Variants in ZSCAN25 observed in about 807,000 individuals in gnomAD.
ZSCAN25 encodes the protein zinc finger and SCAN domain containing 25, also known as zinc finger and SCAN domain-containing protein 25.
In ZSCAN25, 27 loss-of-function variants were observed where a neutral mutation model predicts 38.7. The ratio of observed to expected loss-of-function variants is 0.70; its 90% CI spans 0.51 to 0.96. The LOEUF is 0.96. Ranked by LOEUF, ZSCAN25 falls within the 40% of genes least tolerant of loss-of-function variation. The pLI is 0.00. For missense variants in ZSCAN25, 637 were observed against 705.9 expected (o/e 0.90, Z 1.11); for synonymous variants, 273 against 277.7 (o/e 0.98, Z 0.17).
chr7:99,729,962 G>GA, the ZSCAN25 span, among the ~76,000 whole-genome samples: 1 of 152,152 alleles, frequency 6.6e-6, no homozygotes. Context: ...TTTGCAGAGG[G>GA]AAAAAATATG....
At chr7:99,706,408 G>C in the ZSCAN25 span, among the ~76,000 whole-genome samples, 3 of 152,142 alleles carry the variant, frequency 2.0e-5, no homozygotes, top group African/African-American at 7.2e-5. Flanking sequence ...CACACATACA[G>C]GATAGCTACA....
At chr7:99,727,948 G>T in the ZSCAN25 span, among the ~76,000 whole-genome samples, 1 of 152,150 alleles carries the variant, frequency 6.6e-6, no homozygotes, top group African/African-American at 2.4e-5. Context: ...TCCAAAAAAA[G>T]CTGGAGTCAT....
the ZSCAN25 span, among the ~76,000 whole-genome samples, chr7:99,692,343 C>T: frequency 1.3e-5 from 2 of 152,152 alleles, no homozygotes; most frequent in Non-Finnish European, 2.9e-5. Context: ...TCCTTCATTT[C>T]AACCTTGGTG....
the ZSCAN25 span, among the ~76,000 whole-genome samples, chr7:99,730,390 C>T: frequency 6.6e-6 from 1 of 152,218 alleles, no homozygotes; most frequent in South Asian, 2.1e-4. Context: ...CCTGCTCAGA[C>T]TCACCCACAA....
At chr7:99,702,160 G>A in the ZSCAN25 span, among the ~76,000 whole-genome samples, 1 of 150,544 alleles carries the variant, frequency 6.6e-6, no homozygotes, top group Non-Finnish European at 1.5e-5. Context: ...TATGATCTTG[G>A]CTCACTGCCA....
chr7:99,736,161 T>G, the ZSCAN25 span, among the ~76,000 whole-genome samples: 1 of 152,212 alleles, frequency 6.6e-6, no homozygotes, highest in Non-Finnish European at 1.5e-5. Flanking sequence ...ACAGGTTCTT[T>G]GCCAAAGAGT....
At chr7:99,666,483 C>T in the ZSCAN25 span, 15 of 1,126,906 alleles carry the variant, frequency 1.3e-5, no homozygotes, top group Middle Eastern at 2.6e-4. Flanking sequence ...GGAGTTGCAG[C>T]GCTGCCCTGC....
chr7:99,733,433 G>A, the ZSCAN25 span, among the ~76,000 whole-genome samples: 2 of 152,180 alleles, frequency 1.3e-5, no homozygotes, highest in Non-Finnish European at 2.9e-5. Context: ...ACAATGAAGA[G>A]GCTAACAGAA....
the ZSCAN25 span, among the ~76,000 whole-genome samples, chr7:99,650,694 T>C: frequency 5.9e-5 from 9 of 152,154 alleles, no homozygotes; most frequent in African/African-American, 1.9e-4. Flanking sequence ...GTCATCTCTT[T>C]TTTTCTAATT....
the ZSCAN25 span, among the ~76,000 whole-genome samples, chr7:99,718,983 T>C: frequency 4.6e-5 from 7 of 152,158 alleles, no homozygotes; most frequent in Admixed American, 4.6e-4. Context: ...AACTACAAAT[T>C]GCTAAAAGCA....
chr7:99,704,886 T>C, the ZSCAN25 span, among the ~76,000 whole-genome samples: 31 of 152,192 alleles, frequency 2.0e-4, no homozygotes, highest in African/African-American at 7.2e-4. Flanking sequence ...GGCGTGAACC[T>C]GGGAGGCAGA....
chr7:99,728,525 C>G, the ZSCAN25 span, among the ~76,000 whole-genome samples: 1 of 152,154 alleles, frequency 6.6e-6, no homozygotes, highest in African/African-American at 2.4e-5. Context: ...TTGGCACTCC[C>G]TCTCATCTTT....
At chr7:99,618,348 T>C (rs1806648371) in intron 1 of ZSCAN25, 177 bp from the exon 2 acceptor site, 1 of 151,680 alleles carries the variant, frequency 6.6e-6, no homozygotes, top group Non-Finnish European at 1.5e-5. Flanking sequence ...AGTTATCATC[T>C]AGTCTCTTTT....
chr7:99,636,182 A>G (rs1480749718), downstream of ZSCAN25, among the ~76,000 whole-genome samples: 1 of 152,074 alleles, frequency 6.6e-6, no homozygotes. Flanking sequence ...ATATTTATAT[A>G]CCTTAAAATG....
At chr7:99,622,469 T>C in intron 5 of ZSCAN25, 80 bp from the exon 6 acceptor site, 1 of 1,302,750 alleles carries the variant, frequency 7.7e-7, no homozygotes, top group East Asian at 2.3e-5. Flanking sequence ...GAGCATCTGG[T>C]AGGGGACACA....
At chr7:99,618,285 C>T (rs930159609) in intron 1 of ZSCAN25, 1 of 152,152 alleles carries the variant, frequency 6.6e-6, no homozygotes. Flanking sequence ...TTAGTTTTCT[C>T]TCTTTTTGAC....
chr7:99,717,356 A>T, the ZSCAN25 span: 2 of 1,605,798 alleles, frequency 1.2e-6, no homozygotes, highest in East Asian at 4.5e-5. Flanking sequence ...ACAATAAGTG[A>T]CATTGTATAA....
the ZSCAN25 span, chr7:99,663,934 T>G: frequency 6.4e-7 from 1 of 1,558,538 alleles, no homozygotes; most frequent in Non-Finnish European, 8.6e-7. Context: ...TATCAAAACC[T>G]AAACATCGTC....
the ZSCAN25 span, among the ~76,000 whole-genome samples, chr7:99,651,951 G>A: frequency 6.6e-6 from 1 of 152,148 alleles, no homozygotes; most frequent in Non-Finnish European, 1.5e-5. Context: ...TAGGGATGAG[G>A]ACTTCTCAGG....
Sources: allele counts gnomAD v4.1 joint callset (sites outside exome capture counted in the v4.1 genomes callset), GRCh38; gene constraint gnomAD v4.1.1; transcripts MANE v1.5; gene names NCBI Gene and HGNC (gene_info 2026-07-23, HGNC 2026-07-21).